Variants in VTI1A observed in about 807,000 individuals in gnomAD.
The protein encoded by VTI1A is vesicle transport through interaction with t-SNAREs 1A.
Under a neutral mutation model 34.9 loss-of-function variants are expected in VTI1A, and 22 were observed. The ratio of observed to expected loss-of-function variants is 0.63; its 90% confidence interval spans 0.45 to 0.90. The LOEUF (loss-of-function observed/expected upper bound fraction) is 0.90. Ranked by LOEUF, VTI1A falls within the 40% of genes least tolerant of loss-of-function variation. The probability of loss-of-function intolerance (pLI) is 0.00; values close to 1 mark genes in which losing one functional copy is unlikely to be tolerated. For synonymous variants in VTI1A, 87 were observed against 97.3 expected (o/e 0.89, Z 0.62); for missense variants, 268 against 275.6 (o/e 0.97, Z 0.20).
intron 7 of VTI1A, among the ~76,000 whole-genome samples, chr10:112,705,038 G>C (rs1299910685): frequency 6.6e-6 from 1 of 151,602 alleles, no homozygotes; most frequent in Non-Finnish European, 1.5e-5. Flanking sequence ...CAGGACTGCA[G>C]GCACGTGCCA....
At chr10:112,650,587 A>G (rs1846972723) in intron 5 of VTI1A, among the ~76,000 whole-genome samples, 1 of 152,198 alleles carries the variant, frequency 6.6e-6, no homozygotes. Flanking sequence ...GCATAATTGT[A>G]TATGCTATAC....
intron 1 of VTI1A, among the ~76,000 whole-genome samples, chr10:112,460,113 C>T (rs1847683256): frequency 6.6e-6 from 1 of 152,108 alleles, no homozygotes; most frequent in Non-Finnish European, 1.5e-5. Flanking sequence ...TGTTTTTGCC[C>T]AGTTTTAGGA....
chr10:112,683,863 C>T (rs978742416), intron 7 of VTI1A, among the ~76,000 whole-genome samples: 14 of 152,064 alleles, frequency 9.2e-5, no homozygotes, highest in Non-Finnish European at 1.3e-4. Flanking sequence ...GCCAACATGG[C>T]GAAACCCTGC....
intron 7 of VTI1A, among the ~76,000 whole-genome samples, chr10:112,704,915 T>A (rs1449074520): frequency 1.3e-5 from 2 of 152,078 alleles, no homozygotes; most frequent in African/African-American, 4.8e-5. Context: ...AGAGGCAGGG[T>A]CTCGCTCTGT....
chr10:112,531,376 C>T (rs749724552), intron 4 of VTI1A, among the ~76,000 whole-genome samples: 1 of 151,228 alleles, frequency 6.6e-6, no homozygotes, highest in Non-Finnish European at 1.5e-5. Flanking sequence ...GCTAGTAACT[C>T]GAGAAAATAC....
chr10:112,751,475 TAAAAA>T (rs11411829), intron 7 of VTI1A, among the ~76,000 whole-genome samples: 17 of 100,980 alleles, frequency 1.7e-4, no homozygotes, highest in Non-Finnish European at 6.0e-5. Flanking sequence ...ATTAACTGTT[TAAAAA>T]AAAAAAAAAA....
chr10:112,510,790 G>A (rs1346665279), intron 3 of VTI1A, among the ~76,000 whole-genome samples: 1 of 152,212 alleles, frequency 6.6e-6, no homozygotes, highest in Admixed American at 6.5e-5. Context: ...TGGATGATTT[G>A]GAATCCATAC....
chr10:112,824,696 TGGGCCTC>T, the VTI1A span: 1 of 152,202 alleles, frequency 6.6e-6, no homozygotes, highest in South Asian at 2.1e-4. Context: ...CATGCCGAGT[TGGGCCTC>T]GGGTCTCGGG....
chr10:112,557,984 C>T (rs1343830978), intron 5 of VTI1A, among the ~76,000 whole-genome samples: 2 of 152,090 alleles, frequency 1.3e-5, no homozygotes, highest in Non-Finnish European at 2.9e-5. Context: ...GTAGAAAAGG[C>T]GTGGTTTGAA....
intron 7 of VTI1A, among the ~76,000 whole-genome samples, chr10:112,792,254 G>A (rs771735407): frequency 5.9e-5 from 9 of 152,156 alleles, no homozygotes; most frequent in South Asian, 4.1e-4. Flanking sequence ...CAGCCTGGGC[G>A]ACAGTGCAAG....
intron 3 of VTI1A, among the ~76,000 whole-genome samples, chr10:112,513,124 G>A (rs1407643290): frequency 6.6e-6 from 1 of 151,946 alleles, no homozygotes; most frequent in East Asian, 1.9e-4. Context: ...AGATTGCTTT[G>A]GGCAGTGTGG....
chr10:112,810,715 G>A (rs1409879594), intron 7 of VTI1A, among the ~76,000 whole-genome samples: 5 of 152,188 alleles, frequency 3.3e-5, no homozygotes, highest in African/African-American at 1.2e-4. Context: ...CCCTGGAGCT[G>A]GGGTAGCATC....
the VTI1A span, chr10:112,826,751 C>G: frequency 1.3e-5 from 2 of 152,194 alleles, no homozygotes; most frequent in Admixed American, 6.5e-5. Context: ...CATTTCAGAA[C>G]AGTTTTCTAA....
chr10:112,769,653 T>G (rs1003757992), intron 7 of VTI1A, among the ~76,000 whole-genome samples: 3 of 152,180 alleles, frequency 2.0e-5, no homozygotes, highest in Non-Finnish European at 4.4e-5. Context: ...GGTATCAGGC[T>G]TGCAAGCCAA....
chr10:112,508,375 G>A (rs1300756289), intron 3 of VTI1A, among the ~76,000 whole-genome samples: 2 of 151,924 alleles, frequency 1.3e-5, no homozygotes, highest in Non-Finnish European at 2.9e-5. Context: ...ATTGGCTTTT[G>A]GATACCTCTC....
intron 7 of VTI1A, among the ~76,000 whole-genome samples, chr10:112,744,930 T>C (rs1850841257): frequency 6.6e-6 from 1 of 152,174 alleles, no homozygotes; most frequent in South Asian, 2.1e-4. Context: ...ATTTACAGTT[T>C]GGGGTACTCC....
At chr10:112,727,147 C>T (rs931812475) in intron 7 of VTI1A, among the ~76,000 whole-genome samples, 1 of 152,168 alleles carries the variant, frequency 6.6e-6, no homozygotes, top group African/African-American at 2.4e-5. Context: ...AAAAAGGCCC[C>T]CCCATCAGTT....
At position 112,547,797 on chromosome 10, in the gene VTI1A, C is replaced by T. The variant is rs190580939; in HGVS notation, c.427+9467C>T. The stretch of plus-strand genomic sequence containing the variant: ...AAAATAAATTATTTTTAGATTATAG[C>T]GTTTTAATGAGAATTAGATAATTCG... On this transcript the variant is annotated intron_variant, in intron 5 of 7. Transcript: ENST00000393077. Among the ~76,000 whole-genome samples, 927 of 152,118 alleles carry T rather than the reference C, an allele frequency of 6.1e-3. 7 individuals carry two copies. The highest frequency in any genetic ancestry group is 0.01 in the Non-Finnish European group (702 of 67,996).
chr10:112,701,168 G>A (rs903831097), intron 7 of VTI1A, among the ~76,000 whole-genome samples: 1 of 152,160 alleles, frequency 6.6e-6, no homozygotes, highest in Admixed American at 6.5e-5. Context: ...AGCTATTTTT[G>A]TAGCTGGCTT....
Sources: gnomAD v4.1 joint callset for allele counts (sites outside exome capture counted in the v4.1 genomes callset) on GRCh38, gnomAD v4.1.1 for gene constraint, MANE v1.5 for transcripts, NCBI Gene and HGNC (gene_info 2026-07-23, HGNC 2026-07-21) for gene names.